Variants in CSTA observed in about 807,000 individuals in gnomAD.
CSTA encodes the protein cystatin-A.
In CSTA, 9 loss-of-function variants were observed where a neutral mutation model predicts 9.2. The ratio of observed to expected loss-of-function variants is 0.97; its 90% CI spans 0.59 to 1.70. The LOEUF (loss-of-function observed/expected upper bound fraction) is 1.70, where lower values mean the gene tolerates loss of function less well. Among genes scored for constraint, CSTA ranks in the 40% most tolerant of loss-of-function variants. The pLI is 0.00. For missense variants in CSTA, 118 were observed against 113.1 expected, an observed-to-expected ratio of 1.04 and a Z score of -0.20; for synonymous variants, 36 against 40.6, an observed-to-expected ratio of 0.89 and a Z score of 0.43.
At chr3:122,331,272 G>C (rs2107666058) in intron 1 of CSTA, among the ~76,000 whole-genome samples, 1 of 152,156 alleles carries the variant, frequency 6.6e-6, no homozygotes, top group African/African-American at 2.4e-5. Flanking sequence ...CTGGAACTTA[G>C]CATGTCATGG....
intron 1 of CSTA, among the ~76,000 whole-genome samples, chr3:122,334,426 A>G (rs150148756): frequency 8.0e-4 from 121 of 152,180 alleles, no homozygotes; most frequent in African/African-American, 2.7e-3. Flanking sequence ...GCAGTGAACT[A>G]TGATCACGCC....
intron 1 of CSTA, among the ~76,000 whole-genome samples, chr3:122,329,094 T>C (rs1005669041): frequency 1.3e-5 from 2 of 150,402 alleles, no homozygotes; most frequent in Non-Finnish European, 3.0e-5. Context: ...GCCCCCCGAG[T>C]AGGTGGGACT....
chr3:122,327,494 A>T (rs1488129236), intron 1 of CSTA, among the ~76,000 whole-genome samples: 1 of 135,042 alleles, frequency 7.4e-6, no homozygotes. Flanking sequence ...GCACCACTGC[A>T]CTCCAGCCTG....
At chr3:122,326,365 C>T (rs992414513) in intron 1 of CSTA, among the ~76,000 whole-genome samples, 3 of 152,120 alleles carry the variant, frequency 2.0e-5, no homozygotes, top group Non-Finnish European at 4.4e-5. Context: ...TAGCTATCAT[C>T]TAGCTATGTA....
chr3:122,341,369 G>C, intron 2 of CSTA, 70 bp from the exon 3 acceptor site: 1 of 1,551,634 alleles, frequency 6.4e-7, no homozygotes, highest in Non-Finnish European at 8.9e-7. Flanking sequence ...TAGACCTGTG[G>C]CTCTCTCACT....
chr3:122,325,268 T>A lies in CSTA; in HGVS notation c.-25T>A. ...TGTTCACTTTGGTTCCAGCATCCTG[T>A]CCAGCAAAGAAGCAATCAGCCAAAA... On this transcript the variant is annotated 5_prime_UTR_variant, in exon 1 of 3. Transcript: ENST00000264474. The A allele has an allele frequency of 6.2e-7, 1 of 1,612,574 alleles. No homozygotes were observed. Among genetic ancestry groups the A allele is most frequent in the East Asian group, 2.2e-5 (1 of 44,860 alleles).
chr3:122,338,516 G>T (rs13075620), intron 2 of CSTA, among the ~76,000 whole-genome samples: 7 of 119,710 alleles, frequency 5.8e-5, no homozygotes, highest in Non-Finnish European at 1.3e-4. Context: ...AAAAAAAAAA[G>T]TAAGTGAAGT....
chr3:122,325,535 C>T lies in CSTA; in HGVS notation c.66+177C>T, dbSNP rs115960425. 9.2e-3 allele frequency among the ~76,000 whole-genome samples: 1,408 copies of T among 152,264 alleles called. 14 individuals carry two copies. Among genetic ancestry groups the T allele is most frequent in the Middle Eastern group, 0.02 (6 of 294 alleles). ...TTTTCAGATGAAGCCTCAAATAATC[C>T]CCAAACTGTGAGTGTGACCTTGAGC... On this transcript the variant is annotated intron_variant, in intron 1 of 2. Transcript: ENST00000264474.
intron 1 of CSTA, among the ~76,000 whole-genome samples, chr3:122,334,872 G>A (rs535174136): frequency 4.6e-5 from 7 of 152,274 alleles, no homozygotes; most frequent in African/African-American, 1.2e-4. Context: ...ACTGCAGAAC[G>A]TCACAATGGC....
intron 1 of CSTA, among the ~76,000 whole-genome samples, chr3:122,328,569 C>T (rs2075183718): frequency 6.6e-6 from 1 of 151,534 alleles, no homozygotes; most frequent in Non-Finnish European, 1.5e-5. Flanking sequence ...GACTGCCTGC[C>T]CTCTCTACCA....
chr3:122,339,441 G>GA (rs1419253731), intron 2 of CSTA, among the ~76,000 whole-genome samples: 1 of 152,216 alleles, frequency 6.6e-6, no homozygotes, highest in Non-Finnish European at 1.5e-5. Flanking sequence ...CCAGGGTGGT[G>GA]AAGAAACTAA....
chr3:122,341,460 T>C lies in CSTA; in HGVS notation c.190T>C (p.Tyr64His). ...YIKVRAGDNK[Y>H]MHLKVFKSLP... ...TCAGGTACGAGCAGGTGATAATAAA[T>C]ATATGCACTTGAAAGTATTCAAAAG... Residue 64 changes from tyrosine to histidine, a missense_variant, in exon 3 of 3, where the codon TAT (tyrosine) becomes CAT (histidine). Physicochemically the swap from Tyr to His is moderately conservative, Grantham distance 83 (BLOSUM62 2). Coordinates refer to ENST00000264474, the MANE Select transcript of CSTA (RefSeq NM_005213.4). 6.2e-7 allele frequency: 1 copy of C among 1,613,990 alleles called. No individual in the cohort carries two copies. The highest frequency in any genetic ancestry group is 8.5e-7 in the Non-Finnish European group (1 of 1,179,922).
chr3:122,325,969 T>G (rs1056141684), intron 1 of CSTA, among the ~76,000 whole-genome samples: 3 of 152,184 alleles, frequency 2.0e-5, no homozygotes, highest in Non-Finnish European at 4.4e-5. Flanking sequence ...AAAATAGAAC[T>G]CAATGTTGTT....
intron 1 of CSTA, among the ~76,000 whole-genome samples, chr3:122,329,212 CG>C (rs2075188722): frequency 6.6e-6 from 1 of 151,866 alleles, no homozygotes; most frequent in Non-Finnish European, 1.5e-5. Context: ...ATGATCCACC[CG>C]CCTTGGCCTC....
Position 122,333,535 on chromosome 3 carries a change from A to G in CSTA, c.67-4012A>G, listed in dbSNP as rs1283442878. On this transcript the variant is annotated intron_variant, in intron 1 of 2. Transcript: ENST00000264474. ...AAGAGAGAGAGAAGAAAGAAAGAAA[A>G]GAAAGAAGAAAGAAAGAAAGAAAGA... Among the ~76,000 whole-genome samples the G allele has an allele frequency of 6.3e-5, 8 of 127,570 alleles. No homozygotes were observed. In the South Asian group the frequency reaches 1.3e-3, roughly 22 times the overall value. The allele number at this position is 127,570 out of a possible 152,430, so 83.7% of individuals were successfully genotyped here.
intron 1 of CSTA, among the ~76,000 whole-genome samples, chr3:122,331,236 C>A (rs999265995): frequency 2.6e-5 from 4 of 152,020 alleles, no homozygotes; most frequent in Admixed American, 2.6e-4. Flanking sequence ...ACAAACACTT[C>A]ATCTGCATAC....
At chr3:122,333,728 A>AAG (rs201469474) in intron 1 of CSTA, among the ~76,000 whole-genome samples, 28,751 of 139,946 alleles carry the variant, frequency 0.21, 3,041 homozygotes, top group Middle Eastern at 0.3. Flanking sequence ...AAGAGAAAGA[A>AAG]AGAAAGAGAA....
chr3:122,333,265 C>T (rs1442209112), intron 1 of CSTA, among the ~76,000 whole-genome samples: 3 of 152,186 alleles, frequency 2.0e-5, no homozygotes, highest in Admixed American at 6.5e-5. Context: ...AATCCCAGCA[C>T]TTTGGGAGAC....
chr3:122,327,411 C>A (rs2075177150), intron 1 of CSTA, among the ~76,000 whole-genome samples: 2 of 151,706 alleles, frequency 1.3e-5, no homozygotes, highest in Non-Finnish European at 1.5e-5. Flanking sequence ...CGCCTGTAGT[C>A]CCAGCTACTC....
Sources: allele counts gnomAD v4.1 joint callset (sites outside exome capture counted in the v4.1 genomes callset), GRCh38; gene constraint gnomAD v4.1.1; transcripts MANE v1.5; gene names NCBI Gene and HGNC (gene_info 2026-07-23, HGNC 2026-07-21).